The following PAK5 variants were observed in gnomAD, a reference collection of about 807,000 sequenced individuals.
PAK5 encodes serine/threonine-protein kinase PAK 5.
In PAK5, 16 loss-of-function variants were observed where a neutral mutation model predicts 65.9. That is an observed-to-expected ratio of 0.24 (90% CI 0.16 to 0.37). The LOEUF (loss-of-function observed/expected upper bound fraction) is 0.37. Among genes scored for constraint, PAK5 ranks in the 10% least tolerant of loss-of-function variants. The pLI, the probability that PAK5 is intolerant of heterozygous loss-of-function variation, is 1.00. For missense variants in PAK5, 785 were observed against 903.9 expected (o/e 0.87, Z 1.69); for synonymous variants, 371 against 354.9 (o/e 1.05, Z -0.51).
intron 2 of PAK5, among the ~76,000 whole-genome samples, chr20:9,674,448 G>A (rs766137870): frequency 7.9e-5 from 12 of 152,196 alleles, no homozygotes; most frequent in Non-Finnish European, 1.6e-4. Flanking sequence ...TTTCTTATAT[G>A]TTTCCCTCTG....
chr20:9,646,250 T>C (rs138394354), intron 2 of PAK5, among the ~76,000 whole-genome samples: 1 of 152,204 alleles, frequency 6.6e-6, no homozygotes, highest in South Asian at 2.1e-4. Flanking sequence ...CTTCCAGTTT[T>C]CTCAAGTTCC....
At chr20:9,712,823 G>C (rs2048094040) in intron 1 of PAK5, among the ~76,000 whole-genome samples, 1 of 152,052 alleles carries the variant, frequency 6.6e-6, no homozygotes, top group Non-Finnish European at 1.5e-5. Context: ...ATATACAGAA[G>C]AATGAAATTA....
chr20:9,665,405 C>T (rs1230046154), intron 2 of PAK5, among the ~76,000 whole-genome samples: 3 of 152,158 alleles, frequency 2.0e-5, no homozygotes, highest in Non-Finnish European at 4.4e-5. Context: ...AATTTTCAAA[C>T]TCCCTTGCTG....
At chr20:9,734,899 A>G (rs2048372246) in intron 1 of PAK5, among the ~76,000 whole-genome samples, 1 of 152,176 alleles carries the variant, frequency 6.6e-6, no homozygotes, top group African/African-American at 2.4e-5. Context: ...AAAGGGAGAA[A>G]CAGGTTTCCC....
Position 9,715,505 on chromosome 20 carries a change from A to G in PAK5, c.-161-4070T>C, listed in dbSNP as rs983065226. ...CAGTGTGGTGATTCCTCAGGGATCT[A>G]GAACTAGAAATACCATTTGACTCAG... On this transcript the variant is annotated intron_variant, in intron 1 of 9. Coordinates refer to ENST00000353224, the MANE Select transcript of PAK5 (RefSeq NM_177990.4). 1.6e-3 allele frequency among the ~76,000 whole-genome samples: 250 copies of G among 152,296 alleles called. 1 individual carries two copies. The highest frequency in any genetic ancestry group is 5.7e-3 in the African/African-American group (238 of 41,560).
chr20:9,708,722 A>C (rs1250947847), intron 2 of PAK5, among the ~76,000 whole-genome samples: 2 of 152,128 alleles, frequency 1.3e-5, no homozygotes, highest in Non-Finnish European at 1.5e-5. Context: ...GCACGTTACA[A>C]ATACCAGGGA....
At chr20:9,547,245 A>T (rs571647175) in intron 7 of PAK5, among the ~76,000 whole-genome samples, 1 of 152,286 alleles carries the variant, frequency 6.6e-6, no homozygotes, top group South Asian at 2.1e-4. Flanking sequence ...TTCCAGAAGG[A>T]ATCAACACTA....
chr20:9,617,712 C>A (rs1485689609), intron 3 of PAK5, among the ~76,000 whole-genome samples: 1 of 150,306 alleles, frequency 6.7e-6, no homozygotes, highest in Non-Finnish European at 1.5e-5. Context: ...CCCACCACCA[C>A]GGCCGGCTGA....
intron 3 of PAK5, among the ~76,000 whole-genome samples, chr20:9,633,575 T>A (rs1347955433): frequency 6.6e-6 from 1 of 152,194 alleles, no homozygotes; most frequent in East Asian, 1.9e-4. Context: ...TACTCTTGAT[T>A]TTGGTCAGGC....
chr20:9,830,982 G>A (rs962252572), intron 1 of PAK5, among the ~76,000 whole-genome samples: 3 of 152,172 alleles, frequency 2.0e-5, no homozygotes, highest in African/African-American at 7.2e-5. Context: ...CACATCTCTT[G>A]TGTTTCTTTC....
chr20:9,563,874 A>T (rs186803915), intron 5 of PAK5, among the ~76,000 whole-genome samples: 1 of 152,178 alleles, frequency 6.6e-6, no homozygotes. Context: ...GGAGCTGGAG[A>T]TGTGTGGAGG....
At chr20:9,552,249 G>A (rs1939051475) in intron 7 of PAK5, among the ~76,000 whole-genome samples, 1 of 152,172 alleles carries the variant, frequency 6.6e-6, no homozygotes, top group South Asian at 2.1e-4. Flanking sequence ...GGACTTAGCG[G>A]GTCATGGGTT....
chr20:9,640,207 TCCCCCCA>T (rs1370095361), intron 3 of PAK5, among the ~76,000 whole-genome samples: 2 of 40,610 alleles, frequency 4.9e-5, no homozygotes, highest in Non-Finnish European at 9.1e-5. Context: ...CCCTCCCCCC[TCCCCCCA>T]CCCCACCCCA....
At chr20:9,640,816 G>GC (rs1192224556) in intron 3 of PAK5, among the ~76,000 whole-genome samples, 1 of 151,944 alleles carries the variant, frequency 6.6e-6, no homozygotes, top group Admixed American at 6.5e-5. Flanking sequence ...CTCCTGGTGG[G>GC]CTCGTGGTCT....
intron 6 of PAK5, among the ~76,000 whole-genome samples, chr20:9,558,502 T>G (rs1033494768): frequency 6.6e-6 from 1 of 152,104 alleles, no homozygotes; most frequent in African/African-American, 2.4e-5. Flanking sequence ...AGATGAAGGT[T>G]TCAGGCGTGG....
At chr20:9,833,732 C>T (rs967094107) in intron 1 of PAK5, among the ~76,000 whole-genome samples, 3 of 152,246 alleles carry the variant, frequency 2.0e-5, no homozygotes, top group Middle Eastern at 6.8e-3. Context: ...TATAATTGAT[C>T]TGGGAAAAAT....
chr20:9,751,468 T>C (rs1212089502), intron 1 of PAK5, among the ~76,000 whole-genome samples: 3 of 152,194 alleles, frequency 2.0e-5, no homozygotes, highest in South Asian at 2.1e-4. Flanking sequence ...AAGCACCTGA[T>C]ACCCATTTTT....
chr20:9,589,495 T>A (rs1226166713), intron 3 of PAK5, among the ~76,000 whole-genome samples: 1 of 152,184 alleles, frequency 6.6e-6, no homozygotes. Context: ...GTAACAACAG[T>A]GGTTGGGGCT....
At chr20:9,779,577 A>ACTT (rs2048920834) in intron 1 of PAK5, among the ~76,000 whole-genome samples, 1 of 151,750 alleles carries the variant, frequency 6.6e-6, no homozygotes, top group Non-Finnish European at 1.5e-5. Flanking sequence ...TTAACTGATT[A>ACTT]TAAATTTTCT....
Sources: gnomAD v4.1 joint callset for allele counts (sites outside exome capture counted in the v4.1 genomes callset) on GRCh38, gnomAD v4.1.1 for gene constraint, MANE v1.5 for transcripts, NCBI Gene and HGNC (gene_info 2026-07-23, HGNC 2026-07-21) for gene names.